GALNTL6: variants seen among roughly 807,000 people sequenced by gnomAD.
GALNTL6 encodes polypeptide N-acetylgalactosaminyltransferase like 6.
A neutral mutation model predicts 73.7 loss-of-function variants in GALNTL6; 46 were observed. That is an observed-to-expected ratio of 0.62 (90% CI 0.49 to 0.80). The LOEUF (loss-of-function observed/expected upper bound fraction) is 0.80, where lower values mean the gene tolerates loss of function less well. Ranked by LOEUF, GALNTL6 falls within the 30% of genes least tolerant of loss-of-function variation. The pLI, the probability that GALNTL6 is intolerant of heterozygous loss-of-function variation, is 0.00. For synonymous variants in GALNTL6, 259 were observed against 263.7 expected, an observed-to-expected ratio of 0.98 and a Z score of 0.17; for missense variants, 604 against 755.0, an observed-to-expected ratio of 0.80 and a Z score of 2.34.
intron 2 of GALNTL6, among the ~76,000 whole-genome samples, chr4:172,053,471 G>A (rs1730936067): frequency 2.0e-5 from 3 of 152,150 alleles, no homozygotes; most frequent in Non-Finnish European, 2.9e-5. Context: ...AGTGCCTGTG[G>A]TGTTGGCATG....
chr4:172,357,798 C>T (rs749118342), intron 5 of GALNTL6, among the ~76,000 whole-genome samples: 2 of 151,922 alleles, frequency 1.3e-5, no homozygotes, highest in Admixed American at 6.6e-5. Flanking sequence ...GGAGCAATGA[C>T]GAAAGAAAAT....
chr4:171,914,789 A>AAC (rs1553969663), intron 2 of GALNTL6, among the ~76,000 whole-genome samples: 1 of 151,626 alleles, frequency 6.6e-6, no homozygotes, highest in Non-Finnish European at 1.5e-5. Context: ...ATAAAAAAAA[A>AAC]AAAACTATGA....
chr4:172,252,133 C>G (rs1737902755), intron 3 of GALNTL6, among the ~76,000 whole-genome samples: 1 of 151,862 alleles, frequency 6.6e-6, no homozygotes, highest in African/African-American at 2.4e-5. Flanking sequence ...AATAATTAAG[C>G]AAATATAAAA....
rs1741210540 is a variant in GALNTL6, at chr4:172,016,780, G to T, written c.138+202062G>T. Among the ~76,000 whole-genome samples the T allele has an allele frequency of 4.0e-5, 6 of 151,676 alleles. No individual in the cohort carries two copies. The South Asian group carries it at 1.3e-3, about 32-fold the overall frequency. Reference sequence around the variant, plus strand: ...ATTTAATTTTTTTATCCCTCTTAAGGATCAGACTTTGATGTTTATTTTAGC... The same window carrying T: ...ATTTAATTTTTTTATCCCTCTTAAGTATCAGACTTTGATGTTTATTTTAGC... On this transcript the variant is annotated intron_variant, in intron 2 of 12. Transcript: ENST00000506823.
intron 2 of GALNTL6, among the ~76,000 whole-genome samples, chr4:172,096,907 C>T (rs1732373333): frequency 6.6e-6 from 1 of 152,192 alleles, no homozygotes; most frequent in Non-Finnish European, 1.5e-5. Flanking sequence ...AGGCTAGGAC[C>T]TCTCTCACTA....
At chr4:172,057,750 AT>A (rs1229642488) in intron 2 of GALNTL6, among the ~76,000 whole-genome samples, 5 of 142,528 alleles carry the variant, frequency 3.5e-5, no homozygotes, top group African/African-American at 1.3e-4. Flanking sequence ...ATATATATAT[AT>A]ATATATAAAT....
chr4:172,950,716 C>T (rs1749400584), intron 9 of GALNTL6, among the ~76,000 whole-genome samples: 1 of 152,208 alleles, frequency 6.6e-6, no homozygotes, highest in Non-Finnish European at 1.5e-5. Context: ...CAAGATAAAG[C>T]ACTTTTCCTA....
chr4:171,967,452 T>TCG (rs1560863134), intron 2 of GALNTL6, among the ~76,000 whole-genome samples: 1 of 122,558 alleles, frequency 8.2e-6, no homozygotes, highest in Admixed American at 7.9e-5. Context: ...TATGGGTTTT[T>TCG]TTTTTTTTTT....
chr4:172,610,340 C>T (rs1738480933), intron 5 of GALNTL6, among the ~76,000 whole-genome samples: 1 of 152,042 alleles, frequency 6.6e-6, no homozygotes, highest in Non-Finnish European at 1.5e-5. Flanking sequence ...GCACTTAGTG[C>T]TATAAACTTT....
intron 2 of GALNTL6, among the ~76,000 whole-genome samples, chr4:171,871,059 C>A (rs891904513): frequency 2.6e-5 from 4 of 152,084 alleles, no homozygotes; most frequent in African/African-American, 7.2e-5. Flanking sequence ...AACTAATTTA[C>A]TTTAGCATTA....
At chr4:172,804,356 C>T (rs1740830658) in intron 5 of GALNTL6, among the ~76,000 whole-genome samples, 4 of 152,122 alleles carry the variant, frequency 2.6e-5, no homozygotes, top group Admixed American at 1.3e-4. Flanking sequence ...TAATAACTAG[C>T]GTATATTCTA....
intron 5 of GALNTL6, among the ~76,000 whole-genome samples, chr4:172,590,587 A>G (rs1187544952): frequency 1.3e-5 from 2 of 152,194 alleles, no homozygotes; most frequent in African/African-American, 4.8e-5. Flanking sequence ...AACTCGCTTC[A>G]GAATGAACAT....
rs569165726 is a variant in GALNTL6 at position 172,217,113 on chromosome 4, A to G, written c.139-12543A>G. Among the ~76,000 whole-genome samples the G allele has an allele frequency of 3.9e-4, 60 of 152,256 alleles. 1 individual carries two copies. The highest frequency in any genetic ancestry group is 1.3e-3 in the African/African-American group (54 of 41,544). ...TGCCCTTAGACACAACAGATGACAA[A>G]TGTTTCCTAATTAGTCCTTTAAAAG... On this transcript the variant is annotated intron_variant, in intron 2 of 12. Transcript: ENST00000506823.
intron 5 of GALNTL6, among the ~76,000 whole-genome samples, chr4:172,671,224 T>C (rs555433841): frequency 6.6e-6 from 1 of 152,364 alleles, no homozygotes; most frequent in Non-Finnish European, 1.5e-5. Context: ...ATATTGAATC[T>C]ATAAATTGCT....
intron 7 of GALNTL6, among the ~76,000 whole-genome samples, chr4:172,845,474 C>G (rs1437673043): frequency 6.6e-6 from 1 of 152,080 alleles, no homozygotes; most frequent in Non-Finnish European, 1.5e-5. Flanking sequence ...CTGATAAAAG[C>G]TGCAATTCAG....
chr4:172,460,550 G>A (rs1020628691), intron 5 of GALNTL6, among the ~76,000 whole-genome samples: 6 of 152,106 alleles, frequency 3.9e-5, no homozygotes, highest in African/African-American at 1.4e-4. Flanking sequence ...TCAAAAAGTG[G>A]GCAAAGGATA....
chr4:172,944,729 G>T (rs1038233772), intron 9 of GALNTL6, among the ~76,000 whole-genome samples: 1 of 152,140 alleles, frequency 6.6e-6, no homozygotes, highest in African/African-American at 2.4e-5. Context: ...GGTAAATGGA[G>T]AAACAAATTG....
Position 172,809,463 on chromosome 4 carries a change from G to A in GALNTL6, c.656G>A (p.Gly219Glu). 6.2e-7 allele frequency: 1 copy of A among 1,613,852 alleles called. No individual in the cohort carries two copies. Among genetic ancestry groups the A allele is most frequent in the Non-Finnish European group, 8.5e-7 (1 of 1,179,862 alleles). Residue 219 changes from glycine (G) to glutamate (E), a missense_variant, in exon 6 of 13, where the codon GGG becomes GAG. Gly to Glu is a moderately conservative substitution (Grantham distance 98). Coordinates refer to ENST00000506823, the MANE Select transcript of GALNTL6 (RefSeq NM_001034845.3). This position sits in a 1 kb window ranked among gnomAD's most constrained non-coding sequence, Gnocchi z 4.4. The stretch of plus-strand genomic sequence containing the variant: ...GGACTCATCCGGACCCGTCTCCTGG[G>A]GGCATCTATGGCCAGAGGAGAAGTC... ...REGLIRTRLL[G>E]ASMARGEVLT... is the part of the protein sequence containing the mutation.
intron 5 of GALNTL6, among the ~76,000 whole-genome samples, chr4:172,725,910 G>T (rs907357941): frequency 1.3e-5 from 2 of 152,334 alleles, no homozygotes; most frequent in East Asian, 3.9e-4. Flanking sequence ...TATTTCATAA[G>T]GTTGTTGTGA....
Sources: allele counts gnomAD v4.1 joint callset (sites outside exome capture counted in the v4.1 genomes callset), GRCh38; gene constraint gnomAD v4.1.1; non-coding constraint Gnocchi (gnomAD v3.1); transcripts MANE v1.5; gene names NCBI Gene and HGNC (gene_info 2026-07-23, HGNC 2026-07-21).